Variants in ABCB6 observed in about 807,000 individuals in gnomAD.
ABCB6 encodes ATP-binding cassette sub-family B member 6.
In ABCB6, 87 loss-of-function variants were observed where a neutral mutation model predicts 99.4. The ratio of observed to expected loss-of-function variants is 0.88; its 90% CI spans 0.74 to 1.05. ABCB6 has a LOEUF of 1.05. Among genes scored for constraint, ABCB6 ranks in the 50% least tolerant of loss-of-function variants. ABCB6 has a pLI of 0.00. For missense variants in ABCB6, 1,050 were observed against 1,097.9 expected, an observed-to-expected ratio of 0.96 and a Z score of 0.62; for synonymous variants, 482 against 447.5, an observed-to-expected ratio of 1.08 and a Z score of -0.97.
chr2:219,210,193 TC>T, intron 18 of ABCB6, 36 bp downstream of exon 18: 1 of 1,613,362 alleles, frequency 6.2e-7, no homozygotes, highest in Non-Finnish European at 8.5e-7. Flanking sequence ...AGCCCCCAAT[TC>T]AGAAGACCTG....
chr2:219,218,009 C>T (rs1374161802), intron 1 of ABCB6, 116 bp downstream of exon 1: 11 of 1,406,788 alleles, frequency 7.8e-6, no homozygotes, highest in Non-Finnish European at 1.9e-6. Flanking sequence ...CTCAGCCCCT[C>T]CCTTCTCCCT....
At position 219,210,929 on chromosome 2, in the gene ABCB6, C is replaced by G; in HGVS notation, c.2143+5G>C. 1 of 1,614,176 alleles carries G rather than the reference C, an allele frequency of 6.2e-7. No homozygotes were observed. Among genetic ancestry groups the G allele is most frequent in the South Asian group, 1.1e-5 (1 of 91,086 alleles). On this transcript the variant is annotated splice_donor_5th_base_variant and intron_variant, in intron 15 of 18. Transcript: ENST00000265316. ...GAGGGGACTCTCTGCAAAGGAATCT[C>G]TCACCTTCAGGGAAAGCCATAATGG...
At chr2:219,213,697 CGGG>C (rs375268049) in intron 9 of ABCB6, 31 bp from the exon 10 acceptor site, 2 of 1,613,794 alleles carry the variant, frequency 1.2e-6, no homozygotes, top group Non-Finnish European at 1.7e-6. Context: ...GAGCATGTCA[CGGG>C]GGGCCTGCAG....
At chr2:219,214,624 C>T (rs1276674667) in intron 6 of ABCB6, 126 bp from the exon 7 acceptor site, 10 of 726,394 alleles carry the variant, frequency 1.4e-5, no homozygotes, top group Non-Finnish European at 2.4e-5. Context: ...CCAGATTCCA[C>T]AGGGAGGCAC....
chr2:219,210,119 G>C (rs1950556869), intron 18 of ABCB6, 73 bp from the exon 19 acceptor site: 2 of 1,597,486 alleles, frequency 1.3e-6, no homozygotes, highest in African/African-American at 2.7e-5. Context: ...AGCCCACAGA[G>C]AGGACGGGAT....
chr2:219,214,564 T>C (rs961230173), intron 6 of ABCB6, 66 bp from the exon 7 acceptor site: 16 of 1,183,410 alleles, frequency 1.4e-5, no homozygotes, highest in East Asian at 4.7e-5. Context: ...CAAATGTCAA[T>C]GTCCACTACC....
intron 14 of ABCB6, among the ~76,000 whole-genome samples, chr2:219,212,007 C>T (rs555355425): frequency 6.6e-6 from 1 of 152,124 alleles, no homozygotes; most frequent in Admixed American, 6.5e-5. Context: ...TTGTGATCCG[C>T]CCACCTCAGC....
In ABCB6 at chr2:219,218,183, G is replaced by GCCAA; in HGVS notation, c.487_490dup (p.Ala164ValfsTer25). 6.2e-7 allele frequency: 1 copy of GCCAA among 1,613,772 alleles called. No homozygotes were observed. Among genetic ancestry groups the GCCAA allele is most frequent in the Non-Finnish European group, 8.5e-7 (1 of 1,179,972 alleles). ...CTGTGGGCTGTTCCAAGACACCAGGGCCAAGTTCTCAGCTGCAAACGCCAC... is the reference window on the plus strand; with the variant it reads ...CTGTGGGCTGTTCCAAGACACCAGGGCCAACCAAGTTCTCAGCTGCAAACGCCAC... On this transcript the variant is annotated frameshift_variant, in exon 1 of 19. Transcript: ENST00000265316. LOFTEE classifies it high-confidence loss of function.
Position 219,216,706 on chromosome 2 carries a change from T to C in ABCB6, c.814A>G (p.Met272Val), listed in dbSNP as rs1950646365. ...ACATTGAGTGCCCGTTCCAAACCCA[T>C]GAGCCCCAGGCAGATGAGCACCACC... ...QLVVLICLGL[M>V]GLERALNVLV... is the part of the protein sequence containing the mutation. The change falls in exon 3 of 19, where the codon ATG (methionine) becomes GTG (valine). Residue 272 changes from methionine (M) to valine (V), a missense_variant. Met to Val is a conservative substitution (Grantham distance 21, BLOSUM62 1). Coordinates refer to ENST00000265316, the MANE Select transcript of ABCB6 (RefSeq NM_005689.4). The surrounding 1 kb of genome is among the most constrained non-coding windows in gnomAD (Gnocchi z 4.2). The C allele has an allele frequency of 1.3e-6, 2 of 1,596,652 alleles. No individual in the cohort carries two copies. Among genetic ancestry groups the C allele is most frequent in the South Asian group, 1.1e-5 (1 of 88,670 alleles).
In ABCB6 at chr2:219,213,059, C is replaced by G. The variant is rs376961879; in HGVS notation, c.1812G>C (p.Glu604Asp). 6.2e-7 allele frequency: 1 copy of G among 1,613,834 alleles called. No homozygotes were observed. The highest frequency in any genetic ancestry group is 8.5e-7 in the Non-Finnish European group (1 of 1,179,852). Residue 604 changes from glutamate (E) to aspartate (D), a missense_variant, in exon 13 of 19, where the codon GAG becomes GAC. Coordinates refer to ENST00000265316, the MANE Select transcript of ABCB6 (RefSeq NM_005689.4). ...CAGTGAAAGACACGTCCTGCAGAGT[C>G]TCCCGCCTGCAAGGAAAGGTGGGGT... is the stretch of plus-strand genomic sequence containing the variant. ...NVHFSYADGRETLQDVSFTVM... is the reference protein window; with the variant it reads ...NVHFSYADGRDTLQDVSFTVM...
chr2:219,218,054 T>TGACTGGACATGCAGTGC, intron 1 of ABCB6, 71 bp downstream of exon 1: 1 of 1,513,854 alleles, frequency 6.6e-7, no homozygotes, highest in Middle Eastern at 2.3e-4. Context: ...GGAAGCAGTG[T>TGACTGGACATGCAGTGC]GACTGGACAT....
chr2:219,215,128 C>A (rs956852357), intron 5 of ABCB6, 46 bp from the exon 6 acceptor site: 2 of 1,611,668 alleles, frequency 1.2e-6, no homozygotes, highest in Non-Finnish European at 1.7e-6. Context: ...GGGGCTTAGA[C>A]CCAGCAACCC....
rs752520577 is a variant in ABCB6 at position 219,212,395 on chromosome 2, T to C, written c.1960A>G (p.Ile654Val). 1.2e-6 allele frequency: 2 copies of C among 1,614,006 alleles called. No homozygotes were observed. Among genetic ancestry groups the C allele is most frequent in the African/African-American group, 1.3e-5 (1 of 74,930 alleles). Residue 654 changes from isoleucine to valine, a missense_variant, in exon 14 of 19, where the codon ATT (isoleucine) becomes GTT (valine). Transcript: ENST00000265316. ...SGCIRIDGQD[I>V]SQVTQASLRS... Reference sequence around the variant, plus strand: ...CTCCAGAGCAACCCTACCTGTGAAATGTCCTGCCCATCTATTCGGATGCAG... The same window carrying C: ...CTCCAGAGCAACCCTACCTGTGAAACGTCCTGCCCATCTATTCGGATGCAG...
Position 219,218,464 on chromosome 2 carries a change from G to A in ABCB6, c.210C>T (p.Ile70=). ...GAAGCAGCTGCAGCACGTAGGGAGA[G>A]ATGCGAGGGCCGGCCCCCCAAGACA... ...DSLSWGAGPR[I]SPYVLQLLLA... Residue 70 remains isoleucine, a synonymous_variant, in exon 1 of 19, where the codon ATC becomes ATT. Coordinates refer to ENST00000265316, the MANE Select transcript of ABCB6 (RefSeq NM_005689.4). 2 of 1,608,354 alleles carry A rather than the reference G, an allele frequency of 1.2e-6. No homozygotes were observed. The highest frequency in any genetic ancestry group is 1.7e-4 in the Middle Eastern group (1 of 6,056).
rs1273250105 is a variant in ABCB6, at chr2:219,213,491, G to C, written c.1667C>G (p.Thr556Ser). 1.2e-6 allele frequency: 2 copies of C among 1,614,084 alleles called. No homozygotes were observed. The highest frequency in any genetic ancestry group is 2.2e-5 in the East Asian group (1 of 44,902). Reference protein sequence around the residue: ...WFGTYYRMIQTNFIDMENMFD... With the variant: ...WFGTYYRMIQSNFIDMENMFD... ...CATGTTCTCCATGTCAATGAAGTTGGTCTGGATCATCCTGCAAAAAGGTGC... is the reference window on the plus strand; with the variant it reads ...CATGTTCTCCATGTCAATGAAGTTGCTCTGGATCATCCTGCAAAAAGGTGC... Residue 556 changes from threonine to serine, a missense_variant, in exon 11 of 19, where the codon ACC (threonine) becomes AGC (serine). Transcript: ENST00000265316.
chr2:219,213,979 T>C (rs1466288695), intron 8 of ABCB6, 28 bp from the exon 9 acceptor site: 1 of 1,613,774 alleles, frequency 6.2e-7, no homozygotes, highest in Non-Finnish European at 8.5e-7. Flanking sequence ...GGAAGAGGAA[T>C]GTCCTATACA....
intron 6 of ABCB6, chr2:219,214,732 T>C (rs1950619247): frequency 7.9e-6 from 5 of 635,006 alleles, no homozygotes. Context: ...TTGACCTGTG[T>C]CCACGGCTCA....
intron 14 of ABCB6, among the ~76,000 whole-genome samples, chr2:219,211,340 G>C (rs976294880): frequency 6.6e-5 from 10 of 152,210 alleles, no homozygotes; most frequent in Non-Finnish European, 1.3e-4. Context: ...AGTCCACTCT[G>C]TCACCCAGGC....
chr2:219,218,806 C>G lies in ABCB6; in HGVS notation c.-133G>C, dbSNP rs1290487667. On this transcript the variant is annotated 5_prime_UTR_variant, in exon 1 of 19. Transcript: ENST00000265316. Reference sequence around the variant, plus strand: ...GCTGGGCGCCAAGCTGCGGGGGTCCCGGGAAGGGACGCACGTGGACCAGGC... The same window carrying G: ...GCTGGGCGCCAAGCTGCGGGGGTCCGGGGAAGGGACGCACGTGGACCAGGC... 2.0e-6 allele frequency: 2 copies of G among 1,006,850 alleles called. No homozygotes were observed. Among genetic ancestry groups the G allele is most frequent in the South Asian group, 3.6e-5 (2 of 56,118 alleles). 62.4% of individuals were successfully genotyped at this position (1,006,850 alleles called of 1,614,324 possible).
Sources: gnomAD v4.1 joint callset for allele counts (sites outside exome capture counted in the v4.1 genomes callset) on GRCh38, gnomAD v4.1.1 for gene constraint, Gnocchi (gnomAD v3.1) non-coding constraint, MANE v1.5 for transcripts, NCBI Gene and HGNC (gene_info 2026-07-23, HGNC 2026-07-21) for gene names.